Variants in CFAP43 observed in about 807,000 individuals in gnomAD.
CFAP43 encodes the protein cilia and flagella associated protein 43, also known as cilia- and flagella-associated protein 43.
In CFAP43, 155 loss-of-function variants were observed where a neutral mutation model predicts 218.9. That is an observed-to-expected ratio of 0.71 (90% CI 0.62 to 0.81). The LOEUF (loss-of-function observed/expected upper bound fraction) is 0.81, where lower values mean the gene tolerates loss of function less well. Among genes scored for constraint, CFAP43 ranks in the 30% least tolerant of loss-of-function variants. CFAP43 has a pLI of 0.00. For synonymous variants in CFAP43, 645 were observed against 681.3 expected, an observed-to-expected ratio of 0.95 and a Z score of 0.83; for missense variants, 1,778 against 1,954.3, an observed-to-expected ratio of 0.91 and a Z score of 1.70.
At chr10:104,145,376 T>C (rs922166289) in intron 31 of CFAP43, 100 bp downstream of exon 31, 8 of 684,008 alleles carry the variant, frequency 1.2e-5, no homozygotes, top group African/African-American at 1.8e-5. Flanking sequence ...TTACACTGAA[T>C]AATTCCATTT....
intron 29 of CFAP43, among the ~76,000 whole-genome samples, chr10:104,147,607 G>T (rs1355573316): frequency 1.3e-5 from 2 of 152,142 alleles, no homozygotes; most frequent in Admixed American, 1.3e-4. Context: ...TTTCAACCAT[G>T]AAGCTATATG....
intron 12 of CFAP43, among the ~76,000 whole-genome samples, chr10:104,191,790 G>C (rs949993067): frequency 9.6e-4 from 34 of 35,448 alleles, no homozygotes; most frequent in Admixed American, 5.6e-3. Flanking sequence ...TTGTGTGTGT[G>C]GGGGGGGGGA....
At chr10:104,217,726 C>G (rs1237031617) in intron 3 of CFAP43, among the ~76,000 whole-genome samples, 4 of 152,180 alleles carry the variant, frequency 2.6e-5, no homozygotes, top group Admixed American at 1.3e-4. Context: ...TCAGCTGGTA[C>G]CTATGCCAGC....
intron 19 of CFAP43, 136 bp downstream of exon 19, chr10:104,178,893 T>C: frequency 1.7e-6 from 1 of 581,282 alleles, no homozygotes. Flanking sequence ...TTTATCTTGT[T>C]AAAGAACCTC....
intron 3 of CFAP43, among the ~76,000 whole-genome samples, chr10:104,215,008 G>A (rs1022877357): frequency 3.9e-5 from 6 of 152,074 alleles, no homozygotes; most frequent in African/African-American, 9.7e-5. Flanking sequence ...GGTGGCACAC[G>A]CCTGTAATCC....
chr10:104,212,287 C>A, intron 4 of CFAP43, 130 bp from the exon 5 acceptor site: 3 of 813,912 alleles, frequency 3.7e-6, no homozygotes, highest in Non-Finnish European at 5.4e-6. Flanking sequence ...AGATAAAAGC[C>A]AAATGATAGA....
intron 19 of CFAP43, 47 bp from the exon 20 acceptor site, chr10:104,172,582 T>C (rs368482521): frequency 4.8e-6 from 7 of 1,468,164 alleles, no homozygotes; most frequent in Non-Finnish European, 6.3e-6. Flanking sequence ...AGAATTAAAC[T>C]GTAATAAGAT....
At chr10:104,232,081 G>A (rs2091464576) in intron 1 of CFAP43, 101 bp downstream of exon 1, 2 of 1,397,046 alleles carry the variant, frequency 1.4e-6, no homozygotes, top group Admixed American at 4.7e-5. Flanking sequence ...AAGCTGCGGG[G>A]AAAGCCGCCC....
intron 33 of CFAP43, 138 bp from the exon 34 acceptor site, chr10:104,141,139 C>T (rs912890390): frequency 1.2e-5 from 11 of 901,072 alleles, no homozygotes; most frequent in Middle Eastern, 3.4e-4. Flanking sequence ...TGATGATGAG[C>T]TTTCCTAGAG....
intron 37 of CFAP43, 60 bp downstream of exon 37, chr10:104,131,271 G>GGATTACT (rs1409997675): frequency 7.1e-6 from 11 of 1,553,610 alleles, no homozygotes; most frequent in Non-Finnish European, 9.6e-6. Flanking sequence ...ATACATTTTA[G>GGATTACT]GATTACTGAT....
At chr10:104,154,021 G>T (rs2088413989) in intron 27 of CFAP43, among the ~76,000 whole-genome samples, 2 of 152,140 alleles carry the variant, frequency 1.3e-5, no homozygotes, top group African/African-American at 2.4e-5. Context: ...CCCATCAGGA[G>T]ATACATGATG....
chr10:104,143,765 G>A, intron 31 of CFAP43, 126 bp from the exon 32 acceptor site: 1 of 899,120 alleles, frequency 1.1e-6, no homozygotes, highest in Non-Finnish European at 1.7e-6. Flanking sequence ...GTGATGGCTG[G>A]TAGGTGGGTT....
At chr10:104,170,196 C>G (rs2089349372) in intron 20 of CFAP43, among the ~76,000 whole-genome samples, 2 of 149,968 alleles carry the variant, frequency 1.3e-5, no homozygotes, top group Middle Eastern at 3.5e-3. Flanking sequence ...GCACAGAGCT[C>G]AAGAAAAAAA....
chr10:104,133,867 G>T, intron 34 of CFAP43, 83 bp from the exon 35 acceptor site: 2 of 1,242,014 alleles, frequency 1.6e-6, no homozygotes, highest in Non-Finnish European at 2.2e-6. Context: ...GCTATTTTTA[G>T]AAAATACTTG....
At chr10:104,143,693 A>C in intron 31 of CFAP43, 54 bp from the exon 32 acceptor site, 3 of 1,545,784 alleles carry the variant, frequency 1.9e-6, no homozygotes, top group Non-Finnish European at 2.7e-6. Flanking sequence ...AAAAACATCA[A>C]TGTGAAACAA....
At chr10:104,227,026 T>C (rs924776287) in intron 2 of CFAP43, among the ~76,000 whole-genome samples, 2 of 152,050 alleles carry the variant, frequency 1.3e-5, no homozygotes, top group African/African-American at 4.8e-5. Context: ...TCATCATATA[T>C]ATATAATATA....
At chr10:104,206,403 A>C (rs964948726) in intron 6 of CFAP43, among the ~76,000 whole-genome samples, 1 of 152,232 alleles carries the variant, frequency 6.6e-6, no homozygotes, top group Admixed American at 6.5e-5. Context: ...GTGCCAAGGG[A>C]ATGGGCTAGA....
intron 3 of CFAP43, among the ~76,000 whole-genome samples, chr10:104,223,851 C>T (rs480185): frequency 0.088 from 13,347 of 152,228 alleles, 832 homozygotes; most frequent in African/African-American, 0.17. Context: ...CTGACACATA[C>T]ATGCAGCAAC....
In CFAP43 at chr10:104,207,802, A is replaced by G. The variant is rs1446334990; in HGVS notation, c.758T>C (p.Leu253Ser). ...TFRPKDDLYP[L>S]LHPTMHCWTP... The stretch of plus-strand genomic sequence containing the variant: ...CCAGCAATGCATAGTCGGGTGAAGC[A>G]AAGGATATAGATCATCTTTCGGCTT... The change falls in exon 6 of 38, where the codon TTG becomes TCG. Residue 253 changes from leucine (L) to serine (S), a missense_variant. Leu to Ser is a moderately radical substitution (Grantham distance 145). Transcript: ENST00000357060. The G allele has an allele frequency of 6.2e-7, 1 of 1,613,648 alleles. No individual in the cohort carries two copies. Among genetic ancestry groups the G allele is most frequent in the African/African-American group, 1.3e-5 (1 of 74,904 alleles).
Sources: allele counts gnomAD v4.1 joint callset (sites outside exome capture counted in the v4.1 genomes callset), GRCh38; gene constraint gnomAD v4.1.1; transcripts MANE v1.5; gene names NCBI Gene and HGNC (gene_info 2026-07-23, HGNC 2026-07-21).